The following MARS1 variants were observed in gnomAD, a reference collection of about 807,000 sequenced individuals.
MARS1 encodes the protein methionyl-tRNA synthetase 1.
MARS1 carries 80 observed loss-of-function variants against 119.5 expected under a neutral mutation model. The observed-to-expected ratio is 0.67, with a 90% CI of 0.56 to 0.81. The LOEUF (loss-of-function observed/expected upper bound fraction) is 0.81, where lower values mean the gene tolerates loss of function less well. Among genes scored for constraint, MARS1 ranks in the 30% least tolerant of loss-of-function variants. The probability of loss-of-function intolerance (pLI) is 0.00; values close to 1 mark genes in which losing one functional copy is unlikely to be tolerated. For synonymous variants in MARS1, 418 were observed against 433.4 expected, an observed-to-expected ratio of 0.96 and a Z score of 0.44; for missense variants, 945 against 1,116.5, an observed-to-expected ratio of 0.85 and a Z score of 2.19.
intron 7 of MARS1, among the ~76,000 whole-genome samples, chr12:57,493,871 TATATATA>T (rs1279509033): frequency 2.0e-4 from 1 of 5,090 alleles, no homozygotes; most frequent in African/African-American, 2.0e-4. Flanking sequence ...TATTATATAA[TATATATA>T]ATATATAATA....
rs775638743 is a variant in MARS1 at position 57,512,044 on chromosome 12, C to T, written c.1576C>T (p.Leu526=). ...YVWFDATIGY[L]SITANYTDQW... ...CTGGTTTGATGCCACTATTGGCTAT[C>T]TGTCCATCACAGCCAACTACACAGA... is the stretch of plus-strand genomic sequence containing the variant. The change falls in exon 13 of 21, where the codon CTG becomes TTG. Residue 526 remains leucine (L), a synonymous_variant. Transcript: ENST00000262027. The T allele has an allele frequency of 1.2e-5, 20 of 1,614,074 alleles. No homozygotes were observed. In the East Asian group the frequency reaches 4.2e-4, roughly 34 times the overall value.
rs771306648 is a variant in MARS1, at chr12:57,514,850, C to T, written c.2098C>T (p.Arg700Trp). 24 of 1,613,710 alleles carry T rather than the reference C, an allele frequency of 1.5e-5. No individual in the cohort carries two copies. Among genetic ancestry groups the T allele is most frequent in the South Asian group, 4.4e-5 (4 of 91,068 alleles). ...CTATCACCAGCTACTTGAGAAGGTT[C>T]GGTAAGTAACTGACACCTCTGTCTT... is the stretch of plus-strand genomic sequence containing the variant. The part of the protein sequence containing the change: ...QHYHQLLEKV[R>W]IRDALRSILT... Residue 700 changes from arginine to tryptophan, a missense_variant and splice_region_variant, in exon 16 of 21, where the codon CGG becomes TGG. Coordinates refer to ENST00000262027, the MANE Select transcript of MARS1 (RefSeq NM_004990.4).
intron 11 of MARS1, 193 bp from the exon 12 acceptor site, chr12:57,511,505 A>G: frequency 1.7e-6 from 1 of 593,060 alleles, no homozygotes; most frequent in East Asian, 2.8e-5. Flanking sequence ...TGAGCCCAGG[A>G]GGTTTAGGCT....
At chr12:57,500,775 C>G (rs1876882502) in intron 10 of MARS1, among the ~76,000 whole-genome samples, 1 of 152,236 alleles carries the variant, frequency 6.6e-6, no homozygotes, top group Non-Finnish European at 1.5e-5. Flanking sequence ...TTGCATCACA[C>G]CACCTGATCT....
chr12:57,500,289 G>A (rs192567566), intron 9 of MARS1, 32 bp from the exon 10 acceptor site: 37 of 1,599,640 alleles, frequency 2.3e-5, no homozygotes, highest in Admixed American at 2.2e-4. Context: ...TCTTCTGACT[G>A]TCTCTTCCTG....
At chr12:57,492,844 C>G (rs1230232362) in intron 7 of MARS1, among the ~76,000 whole-genome samples, 2 of 152,044 alleles carry the variant, frequency 1.3e-5, no homozygotes, top group African/African-American at 4.8e-5. Context: ...GAGTTTGCCT[C>G]TTAAGGAATT....
intron 11 of MARS1, among the ~76,000 whole-genome samples, chr12:57,511,170 A>G (rs965109762): frequency 6.6e-6 from 1 of 152,084 alleles, no homozygotes; most frequent in Non-Finnish European, 1.5e-5. Flanking sequence ...TTTTAGGGAC[A>G]GGATTTTGCT....
At chr12:57,514,391 C>T (rs1021049233) in intron 15 of MARS1, among the ~76,000 whole-genome samples, 1 of 152,058 alleles carries the variant, frequency 6.6e-6, no homozygotes, top group African/African-American at 2.4e-5. Flanking sequence ...GAACTTCTGA[C>T]CTCAGGTGAT....
At position 57,514,730 on chromosome 12, in the gene MARS1, T is replaced by G; in HGVS notation, c.1978T>G (p.Phe660Val). The G allele has an allele frequency of 6.2e-7, 1 of 1,614,124 alleles. No individual in the cohort carries two copies. The highest frequency in any genetic ancestry group is 8.5e-7 in the Non-Finnish European group (1 of 1,180,034). ...LGNFINRAGM[F>V]VSKFFGGYVP... Reference sequence around the variant, plus strand: ...CTACTCCCAACCAAGAGCTGGGATGTTTGTGTCTAAGTTCTTTGGGGGCTA... The same window carrying G: ...CTACTCCCAACCAAGAGCTGGGATGGTTGTGTCTAAGTTCTTTGGGGGCTA... Residue 660 changes from phenylalanine (F) to valine (V), a missense_variant, in exon 16 of 21, where the codon TTT becomes GTT. Coordinates refer to ENST00000262027, the MANE Select transcript of MARS1 (RefSeq NM_004990.4).
At chr12:57,502,575 G>A (rs1260942403) in intron 10 of MARS1, among the ~76,000 whole-genome samples, 1 of 151,772 alleles carries the variant, frequency 6.6e-6, no homozygotes, top group Non-Finnish European at 1.5e-5. Flanking sequence ...GTGTGGTGGT[G>A]CGTGCCTGTA....
intron 9 of MARS1, among the ~76,000 whole-genome samples, chr12:57,499,322 G>A (rs1222620863): frequency 4.0e-5 from 6 of 148,356 alleles, no homozygotes; most frequent in East Asian, 3.9e-4. Context: ...GGGGCTGGGC[G>A]CGGTGGCTCA....
At chr12:57,493,798 A>ATATATATTG (rs1876359775) in intron 7 of MARS1, among the ~76,000 whole-genome samples, 1 of 932 alleles carries the variant, frequency 1.1e-3, no homozygotes, top group African/African-American at 1.5e-3. Flanking sequence ...ATTATATATT[A>ATATATATTG]TATTATATAA....
At chr12:57,499,182 G>A (rs941747356) in intron 9 of MARS1, among the ~76,000 whole-genome samples, 1 of 150,948 alleles carries the variant, frequency 6.6e-6, no homozygotes, top group East Asian at 1.9e-4. Context: ...TACTTGGGAA[G>A]CTGAGGCAGA....
intron 7 of MARS1, among the ~76,000 whole-genome samples, chr12:57,493,520 A>T (rs867192830): frequency 1.8e-3 from 2 of 1,118 alleles, no homozygotes; most frequent in South Asian, 0.1. Flanking sequence ...TATAATATAT[A>T]ATATATTATA....
At chr12:57,498,096 T>C (rs1876724575) in intron 7 of MARS1, 61 bp from the exon 8 acceptor site, 1 of 1,057,796 alleles carries the variant, frequency 9.5e-7, no homozygotes, top group African/African-American at 1.6e-5. Context: ...TCTGTGCACT[T>C]TTCGTCCCTG....
At chr12:57,511,578 G>C in intron 11 of MARS1, 120 bp from the exon 12 acceptor site, 1 of 971,776 alleles carries the variant, frequency 1.0e-6, no homozygotes, top group Non-Finnish European at 1.6e-6. Flanking sequence ...GCAAGACTCT[G>C]TCTCCAAAAA....
At chr12:57,516,208 A>G in intron 19 of MARS1, 37 bp from the exon 20 acceptor site, 2 of 1,586,036 alleles carry the variant, frequency 1.3e-6, no homozygotes, top group Non-Finnish European at 1.7e-6. Flanking sequence ...GTTAGGGGAT[A>G]TTTATGGTTG....
Position 57,515,234 on chromosome 12 carries a change from T to G in MARS1, c.2289T>G (p.Val763=). 1 of 1,614,160 alleles carries G rather than the reference T, an allele frequency of 6.2e-7. No homozygotes were observed. Among genetic ancestry groups the G allele is most frequent in the Middle Eastern group, 1.6e-4 (1 of 6,062 alleles). The change falls in exon 18 of 21, where the codon GTT becomes GTG. Residue 763 remains valine (V), a synonymous_variant. Coordinates refer to ENST00000262027, the MANE Select transcript of MARS1 (RefSeq NM_004990.4). ...TGCTTCAGCCTTACATGCCCACGGT[T>G]AGTGCCACAATCCAGGCCCAGCTGC... ...SVMLQPYMPT[V]SATIQAQLQL...
At chr12:57,503,890 A>G (rs917290775) in intron 10 of MARS1, 1 of 210,648 alleles carries the variant, frequency 4.7e-6, no homozygotes, top group Non-Finnish European at 9.4e-6. Context: ...AGCTTCCTCA[A>G]AGAGAGGGGC....
Sources: gnomAD v4.1 joint callset for allele counts (sites outside exome capture counted in the v4.1 genomes callset) on GRCh38, gnomAD v4.1.1 for gene constraint, MANE v1.5 for transcripts, NCBI Gene and HGNC (gene_info 2026-07-23, HGNC 2026-07-21) for gene names.